The following DCP1A variants were observed in gnomAD, a reference collection of about 807,000 sequenced individuals.
DCP1A encodes the protein decapping mRNA 1A, also known as mRNA-decapping enzyme 1A.
A neutral mutation model predicts 58.0 loss-of-function variants in DCP1A; 20 were observed. The observed-to-expected ratio is 0.34, with a 90% CI of 0.24 to 0.50. The LOEUF (loss-of-function observed/expected upper bound fraction) is 0.50. DCP1A is among the 20% of genes least tolerant of loss of function. The pLI is 0.98. For missense variants in DCP1A, 613 were observed against 712.2 expected (o/e 0.86, Z 1.59); for synonymous variants, 285 against 275.1 (o/e 1.04, Z -0.36).
chr3:53,284,526 C>CTTTTTT lies in DCP1A; in HGVS notation c.*3048_*3053dup, dbSNP rs34308634. 5.3e-4 allele frequency: 32 copies of CTTTTTT among 59,846 alleles called. 1 individual carries two copies. Among genetic ancestry groups the CTTTTTT allele is most frequent in the African/African-American group, 1.9e-3 (29 of 15,468 alleles). The allele number at this position is 59,846 out of a possible 1,614,324, so 3.7% of individuals were successfully genotyped here. A position where few individuals can be genotyped will look rare whatever the true frequency, so the allele number is the denominator to read the frequency against. On this transcript the variant is annotated 3_prime_UTR_variant, in exon 10 of 10. Transcript: ENST00000610213. ...CCCTGTAGAGAGGGGCCCAGCGTGACTTTTTTTTTTTTTTTTTTTTTTTTT... is the reference window on the plus strand; with the variant it reads ...CCCTGTAGAGAGGGGCCCAGCGTGACTTTTTTTTTTTTTTTTTTTTTTTTTTTTTTT...
At chr3:53,341,380 G>A (rs782639652) in intron 3 of DCP1A, among the ~76,000 whole-genome samples, 4 of 152,098 alleles carry the variant, frequency 2.6e-5, no homozygotes, top group Non-Finnish European at 4.4e-5. Flanking sequence ...GCATGAATCC[G>A]GGAGGCAGAG....
At chr3:53,296,265 T>C (rs1707124505) in intron 6 of DCP1A, among the ~76,000 whole-genome samples, 1 of 152,130 alleles carries the variant, frequency 6.6e-6, no homozygotes, top group Non-Finnish European at 1.5e-5. Context: ...GAATATCATA[T>C]CCCACAATGC....
In DCP1A at chr3:53,312,348, G is replaced by T. The variant is rs781800850; in HGVS notation, c.403C>A (p.Gln135Lys). ...GGACTCTGTTTGTCCCGAGCAGCTT[G>T]CTGGGATCGCCGTGTCTCCTCTTCT... ...VVEEETRRSQ[Q>K]AARDKQSPSQ... Residue 135 changes from glutamine (Q) to lysine (K), a missense_variant, in exon 5 of 10, where the codon CAA becomes AAA. Coordinates refer to ENST00000610213, the MANE Select transcript of DCP1A (RefSeq NM_018403.7). The T allele has an allele frequency of 6.2e-7, 1 of 1,611,938 alleles. No homozygotes were observed. The highest frequency in any genetic ancestry group is 8.5e-7 in the Non-Finnish European group (1 of 1,179,124).
In DCP1A at chr3:53,332,824, C is replaced by T. The variant is rs146669491; in HGVS notation, c.304+9320G>A. ...AGCTTGCCTAGATCGCCCCACTGCA[C>T]TCCAGCCTGGGTGACAAAGCAAGAC... is the stretch of plus-strand genomic sequence containing the variant. On this transcript the variant is annotated intron_variant, in intron 3 of 9. Transcript: ENST00000610213. 9.5e-3 allele frequency among the ~76,000 whole-genome samples: 1,433 copies of T among 151,618 alleles called. 23 individuals carry two copies. Among genetic ancestry groups the T allele is most frequent in the African/African-American group, 0.033 (1,367 of 41,248 alleles).
At chr3:53,319,123 T>C (rs924163906) in intron 4 of DCP1A, among the ~76,000 whole-genome samples, 4 of 152,144 alleles carry the variant, frequency 2.6e-5, no homozygotes, top group Non-Finnish European at 2.9e-5. Context: ...AAAAGCAGTA[T>C]ACATACAGTA....
rs951412349 is a variant in DCP1A at position 53,283,796 on chromosome 3, A to T, written c.*3784T>A. On this transcript the variant is annotated 3_prime_UTR_variant, in exon 10 of 10. Transcript: ENST00000610213. ...AGATAAAAAGGAAACACAATTCTGC[A>T]TTTTCCCCACTTTGAAGTGAATGAT... is the stretch of plus-strand genomic sequence containing the variant. The T allele has an allele frequency of 2.6e-5, 4 of 152,226 alleles. No individual in the cohort carries two copies. The highest frequency in any genetic ancestry group is 6.5e-5 in the Admixed American group (1 of 15,280). The allele number at this position is 152,226 out of a possible 1,614,324, so 9.4% of individuals were successfully genotyped here. A position where few individuals can be genotyped will look rare whatever the true frequency, so the allele number is the denominator to read the frequency against.
chr3:53,284,498 TC>T lies in DCP1A; in HGVS notation c.*3081del, dbSNP rs1706550876. ...ACATATACTAAACTAAGCCTGTGTG[TC>T]CCCCTGTAGAGAGGGGCCCAGCGTG... On this transcript the variant is annotated 3_prime_UTR_variant, in exon 10 of 10. Transcript: ENST00000610213. 1 of 149,148 alleles carries T rather than the reference TC, an allele frequency of 6.7e-6. No homozygotes were observed. Among genetic ancestry groups the T allele is most frequent in the African/African-American group, 2.5e-5 (1 of 40,744 alleles). The allele number at this position is 149,148 out of a possible 1,614,324, so 9.2% of individuals were successfully genotyped here.
At chr3:53,300,660 A>G (rs1339318360) in intron 6 of DCP1A, among the ~76,000 whole-genome samples, 2 of 149,522 alleles carry the variant, frequency 1.3e-5, no homozygotes, top group Non-Finnish European at 3.0e-5. Flanking sequence ...TTGTTGTTGG[A>G]TTTTTGAAAC....
At chr3:53,313,293 C>T (rs1553688874) in intron 4 of DCP1A, among the ~76,000 whole-genome samples, 1 of 152,078 alleles carries the variant, frequency 6.6e-6, no homozygotes, top group Non-Finnish European at 1.5e-5. Flanking sequence ...GTGGTACACG[C>T]CTGTAGTCCC....
intron 2 of DCP1A, among the ~76,000 whole-genome samples, chr3:53,344,558 G>C (rs1018749126): frequency 2.0e-5 from 3 of 152,186 alleles, no homozygotes; most frequent in Non-Finnish European, 4.4e-5. Context: ...TTATTTTACA[G>C]AGCCAGTCTA....
chr3:53,327,071 A>G (rs1353484455), intron 3 of DCP1A, among the ~76,000 whole-genome samples: 3 of 151,290 alleles, frequency 2.0e-5, no homozygotes, highest in African/African-American at 7.3e-5. Flanking sequence ...AGGGGGAAGC[A>G]TGGCCCCTGA....
chr3:53,341,287 T>C (rs1298890410), intron 3 of DCP1A, among the ~76,000 whole-genome samples: 1 of 151,764 alleles, frequency 6.6e-6, no homozygotes, highest in African/African-American at 2.4e-5. Context: ...ACCCCTTCTC[T>C]ACCAAAAATA....
At chr3:53,318,262 G>A (rs1430219758) in intron 4 of DCP1A, among the ~76,000 whole-genome samples, 1 of 151,962 alleles carries the variant, frequency 6.6e-6, no homozygotes, top group African/African-American at 2.4e-5. Context: ...CTGTGACTGC[G>A]CCACTGCACT....
In DCP1A at chr3:53,319,543, T is replaced by C. The variant is rs1231427896; in HGVS notation, c.305-70A>G. On this transcript the variant is annotated intron_variant, in intron 3 of 9. Coordinates refer to ENST00000610213, the MANE Select transcript of DCP1A (RefSeq NM_018403.7). ...AACATTTGGGTGTATGTAAATAATA[T>C]ATTATCATCATGGAATTCACTAAAT... is the stretch of plus-strand genomic sequence containing the variant. 8 of 936,790 alleles carry C rather than the reference T, an allele frequency of 8.5e-6. No homozygotes were observed. In the African/African-American group the frequency reaches 9.9e-5, roughly 12 times the overall value. 58.0% of individuals were successfully genotyped at this position (936,790 alleles called of 1,614,324 possible).
In DCP1A at chr3:53,288,085, T is replaced by C; in HGVS notation, c.1648A>G (p.Thr550Ala). The change falls in exon 9 of 10, where the codon ACA becomes GCA. Residue 550 changes from threonine to alanine, a missense_variant. Physicochemically the swap from Thr to Ala is moderately conservative, Grantham distance 58. Around this residue, in one of 3 missense-constraint regions of DCP1A, gnomAD observed 498 missense variants for 556.7 expected, o/e 0.89. Transcript: ENST00000610213. The stretch of plus-strand genomic sequence containing the variant: ...CATACCTTTATTAGATGTATTAATG[T>C]ATCCTGGAGCTGAGACTTGCTGAGA... ...IILSKSQLQD[T>A]LIHLIKNDSS... 1.2e-6 allele frequency: 2 copies of C among 1,613,926 alleles called. No individual in the cohort carries two copies. Among genetic ancestry groups the C allele is most frequent in the Non-Finnish European group, 1.7e-6 (2 of 1,179,768 alleles).
At chr3:53,340,564 C>T (rs1233885489) in intron 3 of DCP1A, among the ~76,000 whole-genome samples, 1 of 134,402 alleles carries the variant, frequency 7.4e-6, no homozygotes, top group Non-Finnish European at 1.6e-5. Flanking sequence ...AGACATCCCC[C>T]AAGACCAATT....
Position 53,288,254 on chromosome 3 carries a change from C to A in DCP1A, c.1479G>T (p.Thr493=). The change falls in exon 9 of 10, where the codon ACG becomes ACT. Residue 493 remains threonine, a synonymous_variant. Transcript: ENST00000610213. Reference sequence around the variant, plus strand: ...GCAGGACTGAAGACACTGCAGTGGTCGTTGCAGTAACCAGTGGGGCGCCTG... The same window carrying A: ...GCAGGACTGAAGACACTGCAGTGGTAGTTGCAGTAACCAGTGGGGCGCCTG... The part of the protein sequence containing the change: ...PVAGAPLVTA[T]TTAVSSVLLA... The A allele has an allele frequency of 6.2e-7, 1 of 1,612,888 alleles. No homozygotes were observed. The highest frequency in any genetic ancestry group is 1.1e-5 in the South Asian group (1 of 90,944).
intron 3 of DCP1A, chr3:53,329,474 A>C (rs1214323433): frequency 5.0e-6 from 2 of 398,036 alleles, no homozygotes; most frequent in African/African-American, 4.1e-5. Context: ...AAATAGCAAT[A>C]ATATTTAACA....
chr3:53,311,040 C>T (rs1707628428), intron 5 of DCP1A, among the ~76,000 whole-genome samples: 1 of 152,164 alleles, frequency 6.6e-6, no homozygotes, highest in Non-Finnish European at 1.5e-5. Context: ...TATTGCAGGA[C>T]CTCTCAGTTT....
Sources: gnomAD v4.1 joint callset for allele counts (sites outside exome capture counted in the v4.1 genomes callset) on GRCh38, gnomAD v4.1.1 for gene constraint, gnomAD v4.1.1 regional missense constraint, MANE v1.5 for transcripts, NCBI Gene and HGNC (gene_info 2026-07-23, HGNC 2026-07-21) for gene names.